CPED1: variants seen among roughly 807,000 people sequenced by gnomAD.
CPED1 encodes the protein cadherin-like and PC-esterase domain-containing protein 1.
Under a neutral mutation model 128.2 loss-of-function variants are expected in CPED1, and 114 were observed. The observed-to-expected ratio is 0.89, with a 90% confidence interval of 0.76 to 1.04. The LOEUF is 1.04. Ranked by LOEUF, CPED1 falls within the 50% of genes least tolerant of loss-of-function variation. The pLI is 0.00. For synonymous variants in CPED1, 462 were observed against 426.7 expected (o/e 1.08, Z -1.02); for missense variants, 1,211 against 1,207.1 (o/e 1.00, Z -0.05).
At chr7:121,075,435 C>T (rs1794099917) in intron 5 of CPED1, among the ~76,000 whole-genome samples, 1 of 151,968 alleles carries the variant, frequency 6.6e-6, no homozygotes, top group African/African-American at 2.4e-5. Context: ...TCTACAGTGC[C>T]ATGCATGGTC....
At chr7:121,057,433 C>A (rs894134332) in intron 4 of CPED1, among the ~76,000 whole-genome samples, 2 of 152,158 alleles carry the variant, frequency 1.3e-5, no homozygotes, top group Non-Finnish European at 2.9e-5. Context: ...CCTTGCCCCC[C>A]ACTTCTCCTC....
At chr7:121,256,111 C>CAAAAAAAAAAAAAAAAAAAA (rs1286167648) in intron 18 of CPED1, among the ~76,000 whole-genome samples, 16 of 34,134 alleles carry the variant, frequency 4.7e-4, no homozygotes, top group African/African-American at 8.8e-4. Context: ...CAATCCTAAG[C>CAAAAAAAAAAAAAAAAAAAA]AAAAAAAAAA....
intron 2 of CPED1, among the ~76,000 whole-genome samples, chr7:121,011,544 T>C (rs1792163105): frequency 6.6e-6 from 1 of 152,190 alleles, no homozygotes; most frequent in South Asian, 2.1e-4. Context: ...TATTCACTCA[T>C]TCAAAGAATA....
chr7:121,078,390 T>C (rs538743112), intron 5 of CPED1, among the ~76,000 whole-genome samples: 4 of 151,030 alleles, frequency 2.6e-5, no homozygotes, highest in African/African-American at 9.8e-5. Flanking sequence ...TCATAAGCCA[T>C]TTCTTAGTTT....
chr7:121,200,508 A>G (rs561956817), intron 16 of CPED1, among the ~76,000 whole-genome samples: 21 of 152,244 alleles, frequency 1.4e-4, no homozygotes, highest in South Asian at 4.1e-4. Flanking sequence ...GAAATTGGAA[A>G]AAGGCAAAAT....
Position 121,236,796 on chromosome 7 carries a change from C to G in CPED1, c.2138C>G (p.Ser713Cys). The G allele has an allele frequency of 2.5e-6, 4 of 1,606,824 alleles. No individual in the cohort carries two copies. The highest frequency in any genetic ancestry group is 3.4e-6 in the Non-Finnish European group (4 of 1,176,426). ...SSDYIEAILQ[S>C]ELKRCPSGDM... ...GACTACATTGAAGCCATTTTACAGTCTGAACTAAAAAGATGTCCATCTGGG... is the reference window on the plus strand; with the variant it reads ...GACTACATTGAAGCCATTTTACAGTGTGAACTAAAAAGATGTCCATCTGGG... The change falls in exon 17 of 23, where the codon TCT (serine) becomes TGT (cysteine). Residue 713 changes from serine to cysteine, a missense_variant. Coordinates refer to ENST00000310396, the MANE Select transcript of CPED1 (RefSeq NM_024913.5).
At chr7:121,211,938 G>A (rs902643342) in intron 16 of CPED1, among the ~76,000 whole-genome samples, 1 of 152,040 alleles carries the variant, frequency 6.6e-6, no homozygotes, top group Non-Finnish European at 1.5e-5. Context: ...AAGCTAAAAT[G>A]ACACTCTTAT....
intron 5 of CPED1, among the ~76,000 whole-genome samples, chr7:121,075,319 C>A (rs937731129): frequency 6.6e-6 from 1 of 152,116 alleles, no homozygotes; most frequent in Non-Finnish European, 1.5e-5. Context: ...ACTGCGATAG[C>A]AACAGGAGAT....
At chr7:121,147,510 ATATACT>A (rs200504381) in intron 16 of CPED1, among the ~76,000 whole-genome samples, 3,867 of 152,260 alleles carry the variant, frequency 0.025, 65 homozygotes, top group Middle Eastern at 0.037. Flanking sequence ...AATTAATAAA[ATATACT>A]TATAAGAAAA....
At chr7:121,191,143 A>T (rs1361020352) in intron 16 of CPED1, among the ~76,000 whole-genome samples, 1 of 152,106 alleles carries the variant, frequency 6.6e-6, no homozygotes, top group Non-Finnish European at 1.5e-5. Flanking sequence ...TGCTTGGGGG[A>T]AAAAAGTAAA....
At chr7:121,047,667 C>T (rs1585038213) in intron 4 of CPED1, among the ~76,000 whole-genome samples, 1 of 10,016 alleles carries the variant, frequency 1.0e-4, no homozygotes, top group African/African-American at 2.9e-4. Flanking sequence ...TCTTCTTCTT[C>T]TTCTTCTTCT....
At chr7:121,253,152 G>A (rs1798723380) in intron 18 of CPED1, among the ~76,000 whole-genome samples, 2 of 151,982 alleles carry the variant, frequency 1.3e-5, no homozygotes, top group Non-Finnish European at 2.9e-5. Flanking sequence ...ATGAGTTCAT[G>A]TCCTTTGTAG....
intron 16 of CPED1, among the ~76,000 whole-genome samples, chr7:121,188,528 A>G (rs1345037265): frequency 1.3e-5 from 2 of 152,216 alleles, no homozygotes; most frequent in Admixed American, 1.3e-4. Context: ...CAAATAAAAC[A>G]TTAAAAATAA....
intron 16 of CPED1, among the ~76,000 whole-genome samples, chr7:121,190,376 A>G (rs907920315): frequency 3.8e-5 from 5 of 133,204 alleles, no homozygotes; most frequent in Non-Finnish European, 7.7e-5. Flanking sequence ...TAGGTGACAG[A>G]GCGAGACTCT....
At chr7:121,206,041 T>C (rs1428247063) in intron 16 of CPED1, among the ~76,000 whole-genome samples, 1 of 152,060 alleles carries the variant, frequency 6.6e-6, no homozygotes, top group Non-Finnish European at 1.5e-5. Context: ...TCCCTCTATG[T>C]AAGTACAGGC....
chr7:121,141,945 C>T (rs761317740), intron 15 of CPED1, 28 bp from the exon 16 acceptor site: 1 of 1,595,364 alleles, frequency 6.3e-7, no homozygotes, highest in Non-Finnish European at 8.6e-7. Flanking sequence ...TATTCATATT[C>T]TATTTCTCTC....
chr7:121,235,026 G>C (rs1485624489), intron 16 of CPED1, among the ~76,000 whole-genome samples: 1 of 152,136 alleles, frequency 6.6e-6, no homozygotes, highest in East Asian at 1.9e-4. Context: ...CAAAGCAACT[G>C]AATTAACTTG....
intron 18 of CPED1, among the ~76,000 whole-genome samples, chr7:121,259,900 T>G (rs1791971345): frequency 6.6e-6 from 1 of 152,188 alleles, no homozygotes; most frequent in South Asian, 2.1e-4. Context: ...AAGTAATGTT[T>G]TCATGTTAAG....
intron 7 of CPED1, among the ~76,000 whole-genome samples, chr7:121,107,656 T>C (rs796589720): frequency 5.9e-5 from 9 of 152,270 alleles, no homozygotes; most frequent in African/African-American, 1.9e-4. Context: ...ATCGCTTTAA[T>C]GCTTAAGTTT....
Sources: gnomAD v4.1 joint callset for allele counts (sites outside exome capture counted in the v4.1 genomes callset) on GRCh38, gnomAD v4.1.1 for gene constraint, MANE v1.5 for transcripts, NCBI Gene and HGNC (gene_info 2026-07-23, HGNC 2026-07-21) for gene names.